The following PTGFRN variants were observed in gnomAD, a reference collection of about 807,000 sequenced individuals.
The protein encoded by PTGFRN is prostaglandin F2 receptor negative regulator.
PTGFRN carries 35 observed loss-of-function variants against 83.2 expected under a neutral mutation model. The observed-to-expected ratio is 0.42, with a 90% CI of 0.32 to 0.56. The LOEUF is 0.56. Ranked by LOEUF, PTGFRN falls within the 20% of genes least tolerant of loss-of-function variation. The pLI is 0.11. For synonymous variants in PTGFRN, 519 were observed against 498.6 expected, an observed-to-expected ratio of 1.04 and a Z score of -0.55; for missense variants, 1,051 against 1,179.5, an observed-to-expected ratio of 0.89 and a Z score of 1.60.
intron 2 of PTGFRN, 67 bp from the exon 3 acceptor site, chr1:116,944,612 G>A (rs762049438): frequency 1.1e-5 from 14 of 1,323,588 alleles, no homozygotes; most frequent in Non-Finnish European, 1.4e-5. Context: ...GGTTGCAGCG[G>A]TGGGCTGGCC....
intron 5 of PTGFRN, among the ~76,000 whole-genome samples, chr1:116,966,438 C>A (rs931068399): frequency 2.6e-5 from 4 of 152,212 alleles, no homozygotes; most frequent in Non-Finnish European, 2.9e-5. Context: ...TTCCTCCCTG[C>A]AGGCTAGCTT....
chr1:116,955,028 A>G (rs1439672709), intron 4 of PTGFRN, among the ~76,000 whole-genome samples: 1 of 152,252 alleles, frequency 6.6e-6, no homozygotes, highest in East Asian at 1.9e-4. Flanking sequence ...AAATCTCTAG[A>G]TCAGTCTCCT....
chr1:116,924,141 GTAT>G (rs1649598799), intron 1 of PTGFRN, among the ~76,000 whole-genome samples: 1 of 140,462 alleles, frequency 7.1e-6, no homozygotes, highest in South Asian at 2.2e-4. Context: ...ACCTGTGCAT[GTAT>G]TTTTTTTTTT....
In PTGFRN at chr1:116,910,078, A is replaced by G. The variant is rs1557954190; in HGVS notation, c.-126A>G. 1 of 1,041,476 alleles carries G rather than the reference A, an allele frequency of 9.6e-7. No homozygotes were observed. The highest frequency in any genetic ancestry group is 1.4e-5 in the South Asian group (1 of 73,724). 64.5% of individuals were successfully genotyped at this position (1,041,476 alleles called of 1,614,324 possible). The stretch of plus-strand genomic sequence containing the variant: ...CTGGGATTTATCGGCTCGCGAGGAG[A>G]GCGGAGCAGGCGCGCGGCCCAGGCG... On this transcript the variant is annotated 5_prime_UTR_variant, in exon 1 of 9. Transcript: ENST00000393203.
chr1:116,956,713 A>G (rs750281199), intron 4 of PTGFRN, among the ~76,000 whole-genome samples: 31 of 152,312 alleles, frequency 2.0e-4, no homozygotes, highest in Non-Finnish European at 4.0e-4. Flanking sequence ...AGGTGAGGGA[A>G]GAAGCCATGG....
intron 1 of PTGFRN, among the ~76,000 whole-genome samples, chr1:116,935,166 C>A (rs1200344312): frequency 6.6e-6 from 1 of 152,196 alleles, no homozygotes; most frequent in Non-Finnish European, 1.5e-5. Flanking sequence ...TGTAGTATGT[C>A]AAGCTCACTT....
intron 1 of PTGFRN, among the ~76,000 whole-genome samples, chr1:116,929,826 TTTG>T: frequency 6.6e-6 from 1 of 152,342 alleles, no homozygotes; most frequent in South Asian, 2.1e-4. Flanking sequence ...ACTGGCTGAC[TTTG>T]CAGGATGAAC....
chr1:116,983,498 CAAA>C (rs71096893), intron 7 of PTGFRN, among the ~76,000 whole-genome samples: 27,450 of 103,838 alleles, frequency 0.26, 1,315 homozygotes, highest in East Asian at 0.49. Flanking sequence ...ACACTGGGAA[CAAA>C]AAAAAAAAAA....
At chr1:116,984,645 C>A (rs765881335) in intron 7 of PTGFRN, 35 bp from the exon 8 acceptor site, 213 of 1,597,700 alleles carry the variant, frequency 1.3e-4, no homozygotes, top group Admixed American at 5.1e-5. Context: ...CTGCCCATTG[C>A]ACTGACCCCA....
In PTGFRN at chr1:116,937,072, A is replaced by C. The variant is rs147710442; in HGVS notation, c.50-4643A>C. On this transcript the variant is annotated intron_variant, in intron 1 of 8. Coordinates refer to ENST00000393203, the MANE Select transcript of PTGFRN (RefSeq NM_020440.4). ...GCCTCATTGAGAAGGTGACATTAGA[A>C]TATGGATCTGAAGCTGGTGAAGGAG... 3.8e-3 allele frequency among the ~76,000 whole-genome samples: 582 copies of C among 152,344 alleles called. 5 individuals carry two copies. Among genetic ancestry groups the C allele is most frequent in the African/African-American group, 0.013 (536 of 41,564 alleles).
At chr1:116,981,153 C>T (rs181862679) in intron 7 of PTGFRN, among the ~76,000 whole-genome samples, 1 of 152,216 alleles carries the variant, frequency 6.6e-6, no homozygotes, top group East Asian at 1.9e-4. Flanking sequence ...TGATGTCCCT[C>T]TCTCACTCTT....
intron 5 of PTGFRN, among the ~76,000 whole-genome samples, chr1:116,962,943 A>C (rs1650707211): frequency 6.6e-6 from 1 of 152,192 alleles, no homozygotes. Flanking sequence ...CTCAGAGCTA[A>C]GGCTGGGAGG....
At position 116,949,362 on chromosome 1, in the gene PTGFRN, G is replaced by A. The variant is rs1357844864; in HGVS notation, c.1003G>A (p.Asp335Asn). The A allele has an allele frequency of 6.2e-7, 1 of 1,614,138 alleles. No homozygotes were observed. Among genetic ancestry groups the A allele is most frequent in the Non-Finnish European group, 8.5e-7 (1 of 1,180,058 alleles). Residue 335 changes from aspartate (D) to asparagine (N), a missense_variant, in exon 4 of 9, where the codon GAC becomes AAC. Around this residue, in one of 3 missense-constraint regions of PTGFRN, gnomAD observed 719 missense variants for 836.6 expected, o/e 0.86. Coordinates refer to ENST00000393203, the MANE Select transcript of PTGFRN (RefSeq NM_020440.4). ...TGGCTCCCGCGTGTTGGCGCGGCTTGACCGTGATTCCCTGGTGCACAGCTC... is the reference window on the plus strand; with the variant it reads ...TGGCTCCCGCGTGTTGGCGCGGCTTAACCGTGATTCCCTGGTGCACAGCTC... ...LPGSRVLARL[D>N]RDSLVHSSPH...
chr1:116,949,462 C>A lies in PTGFRN; in HGVS notation c.1103C>A (p.Ser368Tyr). Residue 368 changes from serine to tyrosine, a missense_variant, in exon 4 of 9, where the codon TCT (serine) becomes TAT (tyrosine). Physicochemically the swap from Ser to Tyr is moderately radical, Grantham distance 144. Coordinates refer to ENST00000393203, the MANE Select transcript of PTGFRN (RefSeq NM_020440.4). ...GTTCGGGATGTTAGCAAAGAAAACTCTGGCTACTATTACTGCCACGTGTCC... is the reference window on the plus strand; with the variant it reads ...GTTCGGGATGTTAGCAAAGAAAACTATGGCTACTATTACTGCCACGTGTCC... ...LLVRDVSKENSGYYYCHVSLW... is the reference protein window; with the variant it reads ...LLVRDVSKENYGYYYCHVSLW... 1 of 1,614,258 alleles carries A rather than the reference C, an allele frequency of 6.2e-7. No homozygotes were observed. Among genetic ancestry groups the A allele is most frequent in the Non-Finnish European group, 8.5e-7 (1 of 1,180,042 alleles).
At chr1:116,936,264 T>A (rs1649919432) in intron 1 of PTGFRN, among the ~76,000 whole-genome samples, 1 of 152,242 alleles carries the variant, frequency 6.6e-6, no homozygotes, top group African/African-American at 2.4e-5. Flanking sequence ...AAGAAATCTG[T>A]GCTAAATACC....
At chr1:116,948,536 C>T (rs1037318054) in intron 3 of PTGFRN, among the ~76,000 whole-genome samples, 1 of 152,166 alleles carries the variant, frequency 6.6e-6, no homozygotes, top group African/African-American at 2.4e-5. Flanking sequence ...GGAAAATTGT[C>T]TGGTTTCACT....
At chr1:116,914,402 AT>A (rs1649348390) in intron 1 of PTGFRN, among the ~76,000 whole-genome samples, 1 of 152,194 alleles carries the variant, frequency 6.6e-6, no homozygotes, top group Non-Finnish European at 1.5e-5. Context: ...GGAAAGACAG[AT>A]TTTGAGGGAA....
chr1:116,977,279 T>G (rs530166709), intron 7 of PTGFRN, among the ~76,000 whole-genome samples: 3 of 152,254 alleles, frequency 2.0e-5, no homozygotes, highest in Non-Finnish European at 1.5e-5. Flanking sequence ...AATGGGAGAC[T>G]TTAACACCCC....
At position 116,949,489 on chromosome 1, in the gene PTGFRN, T is replaced by G; in HGVS notation, c.1130T>G (p.Leu377Arg). ...GGCTACTATTACTGCCACGTGTCCC[T>G]GTGGGCACCCGGACACAACAGGAGC... is the stretch of plus-strand genomic sequence containing the variant. ...NSGYYYCHVS[L>R]WAPGHNRSWH... Residue 377 changes from leucine (L) to arginine (R), a missense_variant, in exon 4 of 9, where the codon CTG (leucine) becomes CGG (arginine). Physicochemically the swap from Leu to Arg is moderately radical, Grantham distance 102. Around this residue, in one of 3 missense-constraint regions of PTGFRN, gnomAD observed 719 missense variants for 836.6 expected, o/e 0.86. Transcript: ENST00000393203. The G allele has an allele frequency of 6.2e-7, 1 of 1,614,226 alleles. No individual in the cohort carries two copies. Among genetic ancestry groups the G allele is most frequent in the South Asian group, 1.1e-5 (1 of 91,082 alleles).
Sources: gnomAD v4.1 joint callset for allele counts (sites outside exome capture counted in the v4.1 genomes callset) on GRCh38, gnomAD v4.1.1 for gene constraint, gnomAD v4.1.1 regional missense constraint, MANE v1.5 for transcripts, NCBI Gene and HGNC (gene_info 2026-07-23, HGNC 2026-07-21) for gene names.